The following SCAMP4 variants were observed in gnomAD, a reference collection of about 807,000 sequenced individuals.
The protein encoded by SCAMP4 is secretory carrier-associated membrane protein 4.
SCAMP4 carries 19 observed loss-of-function variants against 32.1 expected under a neutral mutation model. That is an observed-to-expected ratio of 0.59 (90% CI 0.41 to 0.87). The LOEUF (loss-of-function observed/expected upper bound fraction) is 0.87. SCAMP4 is among the 40% of genes least tolerant of loss of function. The pLI is 0.00. For synonymous variants in SCAMP4, 152 were observed against 132.7 expected (o/e 1.15, Z -1.00); for missense variants, 302 against 309.0 (o/e 0.98, Z 0.17).
chr19:1,912,467 C>T (rs1282815481), intron 1 of SCAMP4: 2 of 1,504,084 alleles, frequency 1.3e-6, no homozygotes, highest in Non-Finnish European at 8.8e-7. Context: ...GGCAACCCTT[C>T]CTGGTGCCCG....
chr19:1,918,411 G>A (rs1395697454), intron 4 of SCAMP4, 128 bp downstream of exon 4: 1 of 1,126,918 alleles, frequency 8.9e-7, no homozygotes, highest in East Asian at 2.7e-5. Context: ...TCACATCTGG[G>A]GGTGGCAAAC....
intron 1 of SCAMP4, chr19:1,912,027 C>G: frequency 7.1e-7 from 1 of 1,417,882 alleles, no homozygotes; most frequent in African/African-American, 1.5e-5. Flanking sequence ...CGGCTCTCCC[C>G]CAGCCGCCCG....
Position 1,921,683 on chromosome 19 carries a change from A to T in SCAMP4, c.396-1387A>T. On this transcript the variant is annotated intron_variant, in intron 5 of 6. Transcript: ENST00000316097. ...CATCCAAACAGAGGTTTACTTTTTT[A>T]AAAAATAAAAGAGGCCAGGCATGGT... 3.0e-6 allele frequency: 3 copies of T among 985,306 alleles called. No homozygotes were observed. In the South Asian group the frequency reaches 1.4e-4, roughly 46 times the overall value. 61.0% of individuals were successfully genotyped at this position (985,306 alleles called of 1,614,324 possible). A position where few individuals can be genotyped will look rare whatever the true frequency, so the allele number is the denominator to read the frequency against.
At chr19:1,911,998 C>T in intron 1 of SCAMP4, 1 of 1,413,526 alleles carries the variant, frequency 7.1e-7, no homozygotes, top group Non-Finnish European at 9.2e-7. Context: ...GGAGCCACGG[C>T]CTCCCGGGAC....
In SCAMP4 at chr19:1,919,290, C is replaced by T. The variant is rs2145454180; in HGVS notation, c.395+300C>T. The stretch of plus-strand genomic sequence containing the variant: ...AGGCTTGTCTCCTGAGTGTTGATCA[C>T]ACCCCTGACCCGGGGTCTGGGAGCC... On this transcript the variant is annotated intron_variant, in intron 5 of 6. Transcript: ENST00000316097. The T allele has an allele frequency of 2.4e-6, 3 of 1,234,500 alleles. No individual in the cohort carries two copies. The East Asian group carries it at 1.2e-4, about 50-fold the overall frequency. The allele number at this position is 1,234,500 out of a possible 1,614,324, so 76.5% of individuals were successfully genotyped here. A position where few individuals can be genotyped will look rare whatever the true frequency, so the allele number is the denominator to read the frequency against.
At chr19:1,914,115 G>A (rs1269788498) in intron 1 of SCAMP4, among the ~76,000 whole-genome samples, 3 of 152,206 alleles carry the variant, frequency 2.0e-5, no homozygotes, top group African/African-American at 7.2e-5. Flanking sequence ...CAGTTGAGTG[G>A]TAGAGGCAGC....
rs764240025 is a variant in SCAMP4 at position 1,912,106 on chromosome 19, C to T, written c.-41-2873C>T. 44 of 1,517,820 alleles carry T rather than the reference C, an allele frequency of 2.9e-5. No homozygotes were observed. In the Admixed American group the frequency reaches 8.6e-4, roughly 30 times the overall value. The allele number at this position is 1,517,820 out of a possible 1,614,324, so 94.0% of individuals were successfully genotyped here. A position where few individuals can be genotyped will look rare whatever the true frequency, so the allele number is the denominator to read the frequency against. On this transcript the variant is annotated intron_variant, in intron 1 of 6. Coordinates refer to ENST00000316097, the MANE Select transcript of SCAMP4 (RefSeq NM_079834.4). ...TCGGCCTCGCTGAGGATGGAGCCCG[C>T]CCCGGGCCTCGTGGAGCAGCCCAAG...
intron 2 of SCAMP4, among the ~76,000 whole-genome samples, chr19:1,915,953 AAAAG>A (rs1252099864): frequency 6.8e-5 from 10 of 147,958 alleles, no homozygotes; most frequent in African/African-American, 2.0e-4. Flanking sequence ...AGAAAAAAAA[AAAAG>A]AGATGGTCCG....
In SCAMP4 at chr19:1,923,905, G is replaced by T. The variant is rs546896625; in HGVS notation, c.514-203G>T. 2.8e-5 allele frequency among the ~76,000 whole-genome samples: 3 copies of T among 107,128 alleles called. No homozygotes were observed. The South Asian group carries it at 9.9e-4, about 35-fold the overall frequency. 70.3% of individuals were successfully genotyped at this position (107,128 alleles called of 152,430 possible). On this transcript the variant is annotated intron_variant, in intron 6 of 6. Coordinates refer to ENST00000316097, the MANE Select transcript of SCAMP4 (RefSeq NM_079834.4). ...CTCCCGAAGTGCTGGGATGACAGGC[G>T]TGAGCCACCGTGCCCGGCCTATTTT...
Position 1,917,612 on chromosome 19 carries a change from C to T in SCAMP4, c.8-82C>T, listed in dbSNP as rs1210713847. ...GTCCCTTCTGCCATGAGAGGCAACC[C>T]AGCCTTGGGTCGAAGGGATGAGGTG... On this transcript the variant is annotated intron_variant, in intron 2 of 6. Coordinates refer to ENST00000316097, the MANE Select transcript of SCAMP4 (RefSeq NM_079834.4). 2.6e-6 allele frequency: 4 copies of T among 1,550,044 alleles called. No individual in the cohort carries two copies. In the East Asian group the frequency reaches 9.1e-5, roughly 35 times the overall value.
At position 1,918,299 on chromosome 19, in the gene SCAMP4, G is replaced by A. The variant is rs746945777; in HGVS notation, c.293+16G>A. ...AGGCCTTCCGGTGAGCAGAGCTGCC[G>A]GGGGCCGTCTGCACCCAGAGGGAAC... On this transcript the variant is annotated intron_variant, in intron 4 of 6. Transcript: ENST00000316097. 25 of 1,579,902 alleles carry A rather than the reference G, an allele frequency of 1.6e-5. No homozygotes were observed. Among genetic ancestry groups the A allele is most frequent in the East Asian group, 1.1e-4 (5 of 44,176 alleles).
rs1197234848 is a variant in SCAMP4, at chr19:1,925,041, G to A, written c.*757G>A. 6.6e-6 allele frequency: 1 copy of A among 152,348 alleles called. No homozygotes were observed. Among genetic ancestry groups the A allele is most frequent in the Non-Finnish European group, 1.5e-5 (1 of 68,176 alleles). The allele number at this position is 152,348 out of a possible 1,614,324, so 9.4% of individuals were successfully genotyped here. ...TCCCCAAACCCAGCAAACCGGCAGAGAGCCGGTTTCCCAGCAGCCGGAGCC... is the reference window on the plus strand; with the variant it reads ...TCCCCAAACCCAGCAAACCGGCAGAAAGCCGGTTTCCCAGCAGCCGGAGCC... On this transcript the variant is annotated 3_prime_UTR_variant, in exon 7 of 7. Coordinates refer to ENST00000316097, the MANE Select transcript of SCAMP4 (RefSeq NM_079834.4).
intron 2 of SCAMP4, 87 bp from the exon 3 acceptor site, chr19:1,917,607 C>T: frequency 6.6e-7 from 1 of 1,514,570 alleles, no homozygotes. Context: ...CCATGAGAGG[C>T]AACCCAGCCT....
chr19:1,916,036 G>C (rs1302549005), intron 2 of SCAMP4, among the ~76,000 whole-genome samples: 2 of 151,628 alleles, frequency 1.3e-5, no homozygotes, highest in Non-Finnish European at 2.9e-5. Context: ...ATGAGGTCAG[G>C]AGTTTGAGAC....
At chr19:1,912,143 C>A in intron 1 of SCAMP4, 1 of 1,560,934 alleles carries the variant, frequency 6.4e-7, no homozygotes, top group East Asian at 2.3e-5. Context: ...GCTTGGAGGC[C>A]GGGAGCCCGG....
At chr19:1,920,972 A>C in intron 5 of SCAMP4, 3 of 985,292 alleles carry the variant, frequency 3.0e-6, no homozygotes, top group Non-Finnish European at 3.6e-6. Context: ...GTCACGGGAG[A>C]AGCTGAGCAT....
intron 1 of SCAMP4, among the ~76,000 whole-genome samples, chr19:1,913,942 G>C (rs1455955510): frequency 6.6e-6 from 1 of 152,188 alleles, no homozygotes; most frequent in African/African-American, 2.4e-5. Context: ...GCTCTGCGTG[G>C]GGAGCTCATG....
At chr19:1,921,903 C>T in intron 5 of SCAMP4, 1 of 985,490 alleles carries the variant, frequency 1.0e-6, no homozygotes, top group Non-Finnish European at 1.2e-6. Flanking sequence ...ACAGGACAGG[C>T]CAGCATCTTG....
intron 5 of SCAMP4, chr19:1,922,554 TC>T (rs1271259502): frequency 1.8e-5 from 18 of 985,300 alleles, no homozygotes; most frequent in Non-Finnish European, 2.0e-5. Context: ...TTTCTAATGG[TC>T]CCTCAGTGCC....
Sources: gnomAD v4.1 joint callset for allele counts (sites outside exome capture counted in the v4.1 genomes callset) on GRCh38, gnomAD v4.1.1 for gene constraint, MANE v1.5 for transcripts, NCBI Gene and HGNC (gene_info 2026-07-23, HGNC 2026-07-21) for gene names.